GPM6A: variants seen among roughly 807,000 people sequenced by gnomAD.
The protein encoded by GPM6A is neuronal membrane glycoprotein M6-a.
In GPM6A, 7 loss-of-function variants were observed where a neutral mutation model predicts 32.1. The ratio of observed to expected loss-of-function variants is 0.22; its 90% confidence interval spans 0.12 to 0.41. GPM6A has a LOEUF of 0.41. Ranked by LOEUF, GPM6A falls within the 10% of genes least tolerant of loss-of-function variation. The probability of loss-of-function intolerance (pLI) is 1.00; values close to 1 mark genes in which losing one functional copy is unlikely to be tolerated. For synonymous variants in GPM6A, 130 were observed against 123.4 expected (o/e 1.05, Z -0.35); for missense variants, 235 against 347.2 (o/e 0.68, Z 2.57).
chr4:175,758,601 T>A (rs1326016771), intron 1 of GPM6A, among the ~76,000 whole-genome samples: 6 of 152,154 alleles, frequency 3.9e-5, no homozygotes, highest in Admixed American at 2.6e-4. Flanking sequence ...AATCTAAAAA[T>A]GACCGTTTTT....
intron 1 of GPM6A, among the ~76,000 whole-genome samples, chr4:175,871,748 AT>A (rs1284106299): frequency 6.6e-6 from 1 of 152,178 alleles, no homozygotes; most frequent in Non-Finnish European, 1.5e-5. Context: ...TTTGTGCAAA[AT>A]TAATAGCATT....
At chr4:175,696,476 AG>A (rs1350756698) in intron 2 of GPM6A, among the ~76,000 whole-genome samples, 1 of 152,188 alleles carries the variant, frequency 6.6e-6, no homozygotes, top group African/African-American at 2.4e-5. Flanking sequence ...CACCCATTTG[AG>A]GAGTACTAAC....
At chr4:175,825,865 A>C (rs1339632017) in intron 1 of GPM6A, among the ~76,000 whole-genome samples, 1 of 152,124 alleles carries the variant, frequency 6.6e-6, no homozygotes, top group Non-Finnish European at 1.5e-5. Flanking sequence ...AGTTGAAGAG[A>C]TTCGCAAACT....
chr4:175,677,487 A>G (rs1743437248), intron 2 of GPM6A, among the ~76,000 whole-genome samples: 1 of 152,168 alleles, frequency 6.6e-6, no homozygotes, highest in Admixed American at 6.5e-5. Context: ...AAAAGTACAA[A>G]TGAATGGGGG....
At chr4:175,768,484 T>G (rs1170809077) in intron 1 of GPM6A, among the ~76,000 whole-genome samples, 1 of 151,904 alleles carries the variant, frequency 6.6e-6, no homozygotes, top group Non-Finnish European at 1.5e-5. Flanking sequence ...CTTGGGAGCT[T>G]AGGGATTGTT....
Position 175,968,692 on chromosome 4 carries a change from T to A in GPM6A, c.-23+33617A>T, listed in dbSNP as rs1740405612. On this transcript the variant is annotated intron_variant, in intron 1 of 7. Coordinates refer to the GPM6A transcript ENST00000280187. ...ATATGAAAAAATACTCCACATCATATGTCATTTAAACAACTGAAGGATAAA... is the reference window on the plus strand; with the variant it reads ...ATATGAAAAAATACTCCACATCATAAGTCATTTAAACAACTGAAGGATAAA... 2.6e-5 allele frequency among the ~76,000 whole-genome samples: 4 copies of A among 152,170 alleles called. No individual in the cohort carries two copies. In the South Asian group the frequency reaches 8.3e-4, roughly 31 times the overall value.
At chr4:175,639,159 C>A (rs1223645366) in intron 6 of GPM6A, among the ~76,000 whole-genome samples, 1 of 151,972 alleles carries the variant, frequency 6.6e-6, no homozygotes, top group East Asian at 1.9e-4. Context: ...ATATGTAAGT[C>A]ATTTTTAATA....
At chr4:175,987,005 T>C (rs1740995722) in intron 1 of GPM6A, among the ~76,000 whole-genome samples, 1 of 152,234 alleles carries the variant, frequency 6.6e-6, no homozygotes, top group African/African-American at 2.4e-5. Flanking sequence ...GGATTAGCTC[T>C]AGCCTGTCTC....
At chr4:175,956,066 T>C (rs889364917) in intron 1 of GPM6A, among the ~76,000 whole-genome samples, 1 of 152,188 alleles carries the variant, frequency 6.6e-6, no homozygotes, top group African/African-American at 2.4e-5. Context: ...TCCCACAGAA[T>C]TCCATGGATG....
chr4:175,873,597 AACAATT>A (rs1470850515), intron 1 of GPM6A, among the ~76,000 whole-genome samples: 5 of 152,164 alleles, frequency 3.3e-5, no homozygotes, highest in Non-Finnish European at 7.4e-5. Flanking sequence ...ATAGACAACT[AACAATT>A]ATTAATGAAT....
intron 1 of GPM6A, among the ~76,000 whole-genome samples, chr4:175,799,657 G>A (rs1047446446): frequency 7.0e-6 from 1 of 142,878 alleles, no homozygotes; most frequent in African/African-American, 2.5e-5. Context: ...CACCCTAAAA[G>A]TAGCAAGTGT....
intron 1 of GPM6A, among the ~76,000 whole-genome samples, chr4:175,994,001 T>C (rs1020801764): frequency 1.3e-5 from 2 of 152,202 alleles, no homozygotes; most frequent in African/African-American, 4.8e-5. Flanking sequence ...ATTTCCCTTA[T>C]TTTCTACAAA....
Position 175,651,173 on chromosome 4 carries a change from T to C in GPM6A, c.541+661A>G, listed in dbSNP as rs148897552. ...GAACAACCCCACTGTGCCTCAGTTTTGTCATCTACAAAAGAAGAAAACAGT... is the reference window on the plus strand; with the variant it reads ...GAACAACCCCACTGTGCCTCAGTTTCGTCATCTACAAAAGAAGAAAACAGT... On this transcript the variant is annotated intron_variant, in intron 4 of 6. Transcript: ENST00000393658. 1.8e-4 allele frequency among the ~76,000 whole-genome samples: 27 copies of C among 152,288 alleles called. No homozygotes were observed. In the East Asian group the frequency reaches 2.1e-3, roughly 12 times the overall value.
intron 4 of GPM6A, 64 bp downstream of exon 4, chr4:175,651,770 C>T: frequency 1.7e-6 from 2 of 1,198,652 alleles, no homozygotes; most frequent in Middle Eastern, 4.0e-4. Context: ...ATTTTAGAGG[C>T]AGCTATGTAG....
At chr4:175,644,789 A>C (rs1362066197) in intron 4 of GPM6A, among the ~76,000 whole-genome samples, 1 of 152,182 alleles carries the variant, frequency 6.6e-6, no homozygotes, top group African/African-American at 2.4e-5. Context: ...GTTTCTTCAA[A>C]GCAATTAGGA....
At chr4:175,869,689 A>G (rs1243332722) in intron 1 of GPM6A, among the ~76,000 whole-genome samples, 1 of 152,036 alleles carries the variant, frequency 6.6e-6, no homozygotes, top group African/African-American at 2.4e-5. Flanking sequence ...CCCAGGAGGC[A>G]TAGGTTGCAG....
intron 1 of GPM6A, among the ~76,000 whole-genome samples, chr4:175,806,330 T>C (rs1162289352): frequency 6.6e-6 from 1 of 152,270 alleles, no homozygotes; most frequent in Non-Finnish European, 1.5e-5. Context: ...TATCACGCTG[T>C]ACTTCTCATT....
intron 1 of GPM6A, among the ~76,000 whole-genome samples, chr4:175,838,619 A>G (rs1215312048): frequency 6.6e-6 from 1 of 150,640 alleles, no homozygotes; most frequent in Non-Finnish European, 1.5e-5. Flanking sequence ...ATGTGAACAA[A>G]GGATATGGTG....
At chr4:175,683,737 A>G (rs1307564011) in intron 2 of GPM6A, among the ~76,000 whole-genome samples, 3 of 151,868 alleles carry the variant, frequency 2.0e-5, no homozygotes, top group Non-Finnish European at 4.4e-5. Flanking sequence ...GCCTCCCACT[A>G]TGATAGGAAG....
Sources: allele counts gnomAD v4.1 joint callset (sites outside exome capture counted in the v4.1 genomes callset), GRCh38; gene constraint gnomAD v4.1.1; transcripts MANE v1.5; gene names NCBI Gene and HGNC (gene_info 2026-07-23, HGNC 2026-07-21).